GIPR: variants seen among roughly 807,000 people sequenced by gnomAD.
GIPR encodes the protein GIP-R.
GIPR carries 74 observed loss-of-function variants against 62.2 expected under a neutral mutation model. The observed-to-expected ratio is 1.19, with a 90% CI of 0.99 to 1.44. The LOEUF is 1.44. GIPR is among the 40% of genes most tolerant of loss of function. The probability of loss-of-function intolerance (pLI) is 0.00; values close to 1 mark genes in which losing one functional copy is unlikely to be tolerated. For missense variants in GIPR, 664 were observed against 611.8 expected, an observed-to-expected ratio of 1.09 and a Z score of -0.90; for synonymous variants, 256 against 262.2, an observed-to-expected ratio of 0.98 and a Z score of 0.23.
At chr19:45,669,406 C>A in intron 1 of GIPR, 71 bp from the exon 2 acceptor site, 2 of 1,441,744 alleles carry the variant, frequency 1.4e-6, no homozygotes, top group Non-Finnish European at 1.9e-6. Context: ...GTGTGTGAAT[C>A]CCTGAGGCGG....
At chr19:45,674,886 A>G (rs567274120) in intron 7 of GIPR, 60 bp downstream of exon 7, 142 of 1,507,872 alleles carry the variant, frequency 9.4e-5, no homozygotes, top group Non-Finnish European at 9.2e-7. Context: ...GGGACCAGGA[A>G]GTTCTCAGTC....
chr19:45,669,958 G>A (rs1015807102), intron 2 of GIPR, among the ~76,000 whole-genome samples: 6 of 151,380 alleles, frequency 4.0e-5, no homozygotes, highest in East Asian at 4.0e-4. Flanking sequence ...CGGGGTGGGG[G>A]GGGGAGGCTT....
At chr19:45,671,226 G>GGTC in intron 3 of GIPR, 59 bp from the exon 4 acceptor site, 1 of 980,036 alleles carries the variant, frequency 1.0e-6, no homozygotes, top group Non-Finnish European at 1.6e-6. Flanking sequence ...CTGCGCAGTA[G>GGTC]CACTTGGCCC....
At position 45,681,774 on chromosome 19, in the gene GIPR, C is replaced by G. The variant is rs1967252470; in HGVS notation, c.1240C>G (p.Arg414Gly). ...TGGCTGGCACCACTGCCGCCTGCGCCGCAGCCTGGGCGAGGAGCAACGCCA... is the reference window on the plus strand; with the variant it reads ...TGGCTGGCACCACTGCCGCCTGCGCGGCAGCCTGGGCGAGGAGCAACGCCA... ...RRGWHHCRLR[R>G]SLGEEQRQLP... is the part of the protein sequence containing the mutation. Residue 414 changes from arginine to glycine, a missense_variant, in exon 14 of 14, where the codon CGC becomes GGC. Arg to Gly is a moderately radical substitution (Grantham distance 125). Coordinates refer to ENST00000590918, the MANE Select transcript of GIPR (RefSeq NM_000164.4). 1.2e-6 allele frequency: 2 copies of G among 1,601,912 alleles called. No individual in the cohort carries two copies. Among genetic ancestry groups the G allele is most frequent in the Non-Finnish European group, 1.7e-6 (2 of 1,174,164 alleles).
At position 45,669,262 on chromosome 19, in the gene GIPR, C is replaced by T. The variant is rs186886383; in HGVS notation, c.-44-215C>T. ...GGAGGCCGGGGAATCACTTAAGGGG[C>T]CCCGCCCACCACCGGAGTTCCACCC... On this transcript the variant is annotated intron_variant, in intron 1 of 13. Coordinates refer to ENST00000590918, the MANE Select transcript of GIPR (RefSeq NM_000164.4). Among the ~76,000 whole-genome samples, 557 of 152,242 alleles carry T rather than the reference C, an allele frequency of 3.7e-3. 4 individuals carry two copies. Among genetic ancestry groups the T allele is most frequent in the African/African-American group, 0.013 (538 of 41,546 alleles).
At chr19:45,673,208 T>TTTGCC (rs1975637218) in intron 5 of GIPR, among the ~76,000 whole-genome samples, 2 of 151,456 alleles carry the variant, frequency 1.3e-5, no homozygotes, top group Admixed American at 6.6e-5. Flanking sequence ...TCACTTGAGG[T>TTTGCC]CAGGAGTTTG....
At chr19:45,671,759 C>T (rs1975551183) in intron 4 of GIPR, among the ~76,000 whole-genome samples, 1 of 151,246 alleles carries the variant, frequency 6.6e-6, no homozygotes, top group Admixed American at 6.6e-5. Context: ...GGATTACAGG[C>T]GCGCGCCACC....
At chr19:45,676,684 T>A (rs1966941601) in intron 7 of GIPR, among the ~76,000 whole-genome samples, 2 of 152,108 alleles carry the variant, frequency 1.3e-5, no homozygotes, top group Admixed American at 1.3e-4. Flanking sequence ...TCCGCCCACC[T>A]CGGCCTCCTA....
chr19:45,675,574 CAAA>C (rs35162445), intron 7 of GIPR, among the ~76,000 whole-genome samples: 10 of 48,642 alleles, frequency 2.1e-4, no homozygotes, highest in South Asian at 2.3e-3. Flanking sequence ...GACTCCATCG[CAAA>C]AAAAAAAAAA....
In GIPR at chr19:45,671,363, G is replaced by A; in HGVS notation, c.251G>A (p.Cys84Tyr). 1.2e-6 allele frequency: 2 copies of A among 1,611,116 alleles called. No individual in the cohort carries two copies. Among genetic ancestry groups the A allele is most frequent in the Non-Finnish European group, 1.7e-6 (2 of 1,179,094 alleles). ...AAPNATARAS[C>Y]PWYLPWHHHV... Reference sequence around the variant, plus strand: ...CCCAATGCCACTGCCCGTGCGTCCTGCCCCTGGTACCTGCCCTGGCACCAC... The same window carrying A: ...CCCAATGCCACTGCCCGTGCGTCCTACCCCTGGTACCTGCCCTGGCACCAC... The change falls in exon 4 of 14, where the codon TGC becomes TAC. Residue 84 changes from cysteine (C) to tyrosine (Y), a missense_variant. By Grantham distance (194) the Cys-to-Tyr change is radical. Transcript: ENST00000590918.
At chr19:45,669,414 C>A in intron 1 of GIPR, 63 bp from the exon 2 acceptor site, 1 of 1,466,824 alleles carries the variant, frequency 6.8e-7, no homozygotes, top group East Asian at 2.5e-5. Context: ...ATCCCTGAGG[C>A]GGGGTGACGC....
In GIPR at chr19:45,671,377, C is replaced by T. The variant is rs1975532894; in HGVS notation, c.265C>T (p.Pro89Ser). 8.1e-6 allele frequency: 13 copies of T among 1,605,384 alleles called. No individual in the cohort carries two copies. Among genetic ancestry groups the T allele is most frequent in the Non-Finnish European group, 1.0e-5 (12 of 1,174,584 alleles). Residue 89 changes from proline to serine, a missense_variant, in exon 4 of 14, where the codon CCC becomes TCC. Transcript: ENST00000590918. ...TARASCPWYL[P>S]WHHHVAAGFV... Reference sequence around the variant, plus strand: ...CCGTGCGTCCTGCCCCTGGTACCTGCCCTGGCACCACCATGGTGAGGTGCT... The same window carrying T: ...CCGTGCGTCCTGCCCCTGGTACCTGTCCTGGCACCACCATGGTGAGGTGCT...
intron 4 of GIPR, among the ~76,000 whole-genome samples, chr19:45,671,624 G>T (rs1222745247): frequency 6.6e-6 from 1 of 152,080 alleles, no homozygotes; most frequent in Non-Finnish European, 1.5e-5. Flanking sequence ...TTTGGAGACG[G>T]AGTCTCGCTC....
At position 45,681,791 on chromosome 19, in the gene GIPR, G is replaced by A. The variant is rs1212142402; in HGVS notation, c.1257G>A (p.Glu419=). ...HCRLRRSLGE[E]QRQLPERAFR... is the part of the protein sequence containing the mutation. ...GCCTGCGCCGCAGCCTGGGCGAGGA[G>A]CAACGCCAGCTCCCGGAGCGCGCCT... The change falls in exon 14 of 14, where the codon GAG becomes GAA. Residue 419 remains glutamate, a synonymous_variant. Coordinates refer to ENST00000590918, the MANE Select transcript of GIPR (RefSeq NM_000164.4). 2.5e-6 allele frequency: 4 copies of A among 1,588,666 alleles called. No homozygotes were observed. The South Asian group carries it at 4.5e-5, about 18-fold the overall frequency.
In GIPR at chr19:45,681,923, A is replaced by C; in HGVS notation, c.1389A>C (p.Glu463Asp). Residue 463 changes from glutamate to aspartate, a missense_variant, in exon 14 of 14, where the codon GAA (glutamate) becomes GAC (aspartate). By Grantham distance (45) the Glu-to-Asp change is conservative. Transcript: ENST00000590918. ...GPGNEASREL[E>D]SYC ...GGAATGAGGCCAGCCGGGAGTTGGA[A>C]AGTTACTGCTAGGGGGCGGGATCCC... 1 of 1,559,850 alleles carries C rather than the reference A, an allele frequency of 6.4e-7. No homozygotes were observed. The highest frequency in any genetic ancestry group is 1.3e-5 in the African/African-American group (1 of 74,160).
rs1316522269 is a variant in GIPR at position 45,677,348 on chromosome 19, CTGGGTGATCGTCAGGTACCTGTACG to C, written c.820_844del (p.Trp274ArgfsTer24). On this transcript the variant is annotated frameshift_variant, in exon 9 of 14. Coordinates refer to ENST00000590918, the MANE Select transcript of GIPR (RefSeq NM_000164.4). LOFTEE classifies it high-confidence loss of function. ...GGGCCCCCGCGCTTTTCGTCATTCC[CTGGGTGATCGTCAGGTACCTGTACG>C]AGAACACGCAGTGAGTTGCAGGGTC... 2 of 1,601,618 alleles carry C rather than the reference CTGGGTGATCGTCAGGTACCTGTACG, an allele frequency of 1.2e-6. No individual in the cohort carries two copies. Among genetic ancestry groups the C allele is most frequent in the South Asian group, 1.1e-5 (1 of 90,062 alleles).
chr19:45,669,586 G>A lies in GIPR; in HGVS notation c.66G>A (p.Arg22=), dbSNP rs1280519108. ...CACTGTGCGGGCTGCTGCTCCAGAGGGCGGAGGTGAGGAAGCGAGGAGCCA... is the reference window on the plus strand; with the variant it reads ...CACTGTGCGGGCTGCTGCTCCAGAGAGCGGAGGTGAGGAAGCGAGGAGCCA... The part of the protein sequence containing the change: ...RLSLCGLLLQ[R]AETGSKGQTA... Residue 22 remains arginine, a synonymous_variant, in exon 2 of 14, where the codon AGG becomes AGA. Transcript: ENST00000590918. The A allele has an allele frequency of 6.3e-7, 1 of 1,579,460 alleles. No individual in the cohort carries two copies. Among genetic ancestry groups the A allele is most frequent in the Middle Eastern group, 2.2e-4 (1 of 4,624 alleles).
intron 2 of GIPR, 98 bp from the exon 3 acceptor site, chr19:45,670,537 C>G (rs1273529413): frequency 3.9e-6 from 3 of 772,754 alleles, no homozygotes; most frequent in Non-Finnish European, 6.7e-6. Flanking sequence ...ACGCAACAGA[C>G]CCTCAAAGTC....
chr19:45,672,834 C>T lies in GIPR; in HGVS notation c.281-17C>T, dbSNP rs1321259496. 2.0e-6 allele frequency: 3 copies of T among 1,524,386 alleles called. No individual in the cohort carries two copies. The highest frequency in any genetic ancestry group is 2.7e-5 in the African/African-American group (2 of 73,284). The allele number at this position is 1,524,386 out of a possible 1,614,324, so 94.4% of individuals were successfully genotyped here. Reference sequence around the variant, plus strand: ...CTTTCTCTGTGTGCCTTAATTCCCTCTCTTCTTTCCCCACAGTGGCTGCAG... The same window carrying T: ...CTTTCTCTGTGTGCCTTAATTCCCTTTCTTCTTTCCCCACAGTGGCTGCAG... On this transcript the variant is annotated splice_polypyrimidine_tract_variant and intron_variant, in intron 4 of 13. Transcript: ENST00000590918.
Sources: gnomAD v4.1 joint callset for allele counts (sites outside exome capture counted in the v4.1 genomes callset) on GRCh38, gnomAD v4.1.1 for gene constraint, MANE v1.5 for transcripts, NCBI Gene and HGNC (gene_info 2026-07-23, HGNC 2026-07-21) for gene names.